The following SDC2 variants were observed in gnomAD, a reference collection of about 807,000 sequenced individuals.
SDC2 encodes syndecan 2, also known as syndecan-2.
In SDC2, 13 loss-of-function variants were observed where a neutral mutation model predicts 22.2. The ratio of observed to expected loss-of-function variants is 0.59; its 90% confidence interval spans 0.38 to 0.93. The LOEUF (loss-of-function observed/expected upper bound fraction) is 0.93. Among genes scored for constraint, SDC2 ranks in the 40% least tolerant of loss-of-function variants. The probability of loss-of-function intolerance (pLI) is 0.00; values close to 1 mark genes in which losing one functional copy is unlikely to be tolerated. For missense variants in SDC2, 235 were observed against 246.8 expected, an observed-to-expected ratio of 0.95 and a Z score of 0.32; for synonymous variants, 94 against 92.8, an observed-to-expected ratio of 1.01 and a Z score of -0.07.
intron 1 of SDC2, among the ~76,000 whole-genome samples, chr8:96,539,704 T>C (rs1249187976): frequency 6.6e-6 from 1 of 152,252 alleles, no homozygotes; most frequent in Admixed American, 6.5e-5. Context: ...GTGAATTTAA[T>C]TAGGTTTTCA....
intron 1 of SDC2, among the ~76,000 whole-genome samples, chr8:96,591,259 A>T (rs894358219): frequency 2.0e-5 from 3 of 152,210 alleles, no homozygotes; most frequent in African/African-American, 7.2e-5. Flanking sequence ...GGGAAACAAG[A>T]TTCTAACATG....
At chr8:96,535,287 G>T (rs1813736981) in intron 1 of SDC2, among the ~76,000 whole-genome samples, 1 of 152,112 alleles carries the variant, frequency 6.6e-6, no homozygotes, top group Admixed American at 6.5e-5. Flanking sequence ...GATTACAGGT[G>T]TGAGCCACTG....
rs186792675 is a variant in SDC2 at position 96,523,966 on chromosome 8, A to T, written c.60+29635A>T. ...GTGGCCACAATGGTGGTGTTGTTTT[A>T]GGCTTCTTTCAAAAAAGAAGTCCAG... On this transcript the variant is annotated intron_variant, in intron 1 of 4. Transcript: ENST00000302190. Among the ~76,000 whole-genome samples the T allele has an allele frequency of 2.1e-4, 32 of 152,330 alleles. 1 individual carries two copies. In the East Asian group the frequency reaches 6.2e-3, roughly 29 times the overall value.
intron 1 of SDC2, among the ~76,000 whole-genome samples, chr8:96,521,135 C>A (rs2575736): frequency 0.051 from 7,740 of 152,238 alleles, 629 homozygotes; most frequent in African/African-American, 0.17. Flanking sequence ...AGCACCACAT[C>A]CCTAATGGGA....
chr8:96,545,421 C>T (rs1223434803), intron 1 of SDC2, among the ~76,000 whole-genome samples: 14 of 152,096 alleles, frequency 9.2e-5, no homozygotes, highest in Non-Finnish European at 1.5e-5. Context: ...AAAAATTCAC[C>T]TCGAGAAACA....
intron 1 of SDC2, among the ~76,000 whole-genome samples, chr8:96,566,956 C>T (rs149204736): frequency 4.6e-5 from 7 of 152,200 alleles, no homozygotes; most frequent in African/African-American, 9.6e-5. Flanking sequence ...CAAGTTCAAG[C>T]GATTCTCTTT....
Position 96,535,742 on chromosome 8 carries a change from C to T in SDC2, c.60+41411C>T, listed in dbSNP as rs188065533. Among the ~76,000 whole-genome samples, 16 of 152,290 alleles carry T rather than the reference C, an allele frequency of 1.1e-4. No homozygotes were observed. In the East Asian group the frequency reaches 3.1e-3, roughly 29 times the overall value. On this transcript the variant is annotated intron_variant, in intron 1 of 4. Transcript: ENST00000302190. ...GTTTTATATCCACATGCTATTCCAC[C>T]TCCGTTCAAAACTTAGAAAAATATT...
chr8:96,600,399 C>T (rs1178484665), intron 2 of SDC2, among the ~76,000 whole-genome samples: 1 of 152,180 alleles, frequency 6.6e-6, no homozygotes. Flanking sequence ...ATTTGAATGT[C>T]AGAAATTCTC....
At chr8:96,522,529 A>C (rs372880422) in intron 1 of SDC2, among the ~76,000 whole-genome samples, 2 of 152,200 alleles carry the variant, frequency 1.3e-5, no homozygotes, top group Non-Finnish European at 2.9e-5. Flanking sequence ...TTTGTCCCCA[A>C]TTGCTTGCAG....
At chr8:96,538,784 T>C (rs1813797013) in intron 1 of SDC2, 1 of 152,248 alleles carries the variant, frequency 6.6e-6, no homozygotes. Context: ...AGAAAATCAT[T>C]AGCCCTGTGC....
At chr8:96,595,480 A>T (rs1192436760) in intron 2 of SDC2, among the ~76,000 whole-genome samples, 1 of 151,758 alleles carries the variant, frequency 6.6e-6, no homozygotes, top group African/African-American at 2.4e-5. Context: ...CCACAACTCT[A>T]TAAATATCTT....
chr8:96,545,644 A>C lies in SDC2; in HGVS notation c.61-47836A>C, dbSNP rs1813919452. On this transcript the variant is annotated intron_variant, in intron 1 of 4. Coordinates refer to ENST00000302190, the MANE Select transcript of SDC2 (RefSeq NM_002998.4). ...AAGATTATTTTAGAGCAATGTTCTC[A>C]AACTGTGGGTACATTAGAAGTGTAC... 1.3e-5 allele frequency among the ~76,000 whole-genome samples: 2 copies of C among 152,218 alleles called. 1 individual carries two copies. Among genetic ancestry groups the C allele is most frequent in the South Asian group, 4.1e-4 (2 of 4,834 alleles).
At chr8:96,602,309 G>C (rs1484659982) in intron 2 of SDC2, 86 bp from the exon 3 acceptor site, 8 of 1,351,128 alleles carry the variant, frequency 5.9e-6, no homozygotes, top group Non-Finnish European at 8.3e-6. Flanking sequence ...GATTCTGTCA[G>C]TGTCAACGTC....
At chr8:96,517,778 T>C (rs76690286) in intron 1 of SDC2, among the ~76,000 whole-genome samples, 1 of 38,974 alleles carries the variant, frequency 2.6e-5, no homozygotes, top group Non-Finnish European at 5.3e-5. Flanking sequence ...TGCATGTGTG[T>C]GTGTGTGTGT....
intron 1 of SDC2, among the ~76,000 whole-genome samples, chr8:96,500,262 T>C (rs1210473662): frequency 6.6e-6 from 1 of 152,166 alleles, no homozygotes; most frequent in Non-Finnish European, 1.5e-5. Flanking sequence ...GAATTTAGTC[T>C]GTATCATGCG....
chr8:96,590,944 A>G (rs1814770476), intron 1 of SDC2, among the ~76,000 whole-genome samples: 1 of 152,160 alleles, frequency 6.6e-6, no homozygotes, highest in Non-Finnish European at 1.5e-5. Flanking sequence ...CAGCTTCTCT[A>G]GACACACCCT....
chr8:96,587,921 C>G (rs1039373441), intron 1 of SDC2, among the ~76,000 whole-genome samples: 4 of 152,086 alleles, frequency 2.6e-5, no homozygotes, highest in African/African-American at 9.7e-5. Context: ...TCCCAAGTCC[C>G]TACTTTTGGA....
At chr8:96,543,943 A>G (rs1049660450) in intron 1 of SDC2, among the ~76,000 whole-genome samples, 6 of 152,224 alleles carry the variant, frequency 3.9e-5, no homozygotes, top group Non-Finnish European at 8.8e-5. Context: ...AAACAATTTT[A>G]CAGGATGCAG....
intron 1 of SDC2, among the ~76,000 whole-genome samples, chr8:96,583,870 T>C (rs965175992): frequency 1.9e-4 from 29 of 152,102 alleles, no homozygotes; most frequent in African/African-American, 6.8e-4. Context: ...TAATATATCA[T>C]GCATAATTAT....
Sources: allele counts gnomAD v4.1 joint callset (sites outside exome capture counted in the v4.1 genomes callset), GRCh38; gene constraint gnomAD v4.1.1; transcripts MANE v1.5; gene names NCBI Gene and HGNC (gene_info 2026-07-23, HGNC 2026-07-21).